BRINP3: variants seen among roughly 807,000 people sequenced by gnomAD.
The protein encoded by BRINP3 is BMP/retinoic acid inducible neural specific 3.
A neutral mutation model predicts 71.0 loss-of-function variants in BRINP3; 19 were observed. The observed-to-expected ratio is 0.27, with a 90% CI of 0.19 to 0.39. BRINP3 has a LOEUF of 0.39. Among genes scored for constraint, BRINP3 ranks in the 10% least tolerant of loss-of-function variants. The pLI is 1.00. For synonymous variants in BRINP3, 380 were observed against 337.7 expected (o/e 1.13, Z -1.37); for missense variants, 959 against 940.8 (o/e 1.02, Z -0.25).
intron 6 of BRINP3, among the ~76,000 whole-genome samples, chr1:190,182,426 T>A (rs1478771954): frequency 2.0e-5 from 3 of 152,162 alleles, no homozygotes; most frequent in Non-Finnish European, 4.4e-5. Flanking sequence ...TTGTTCCACC[T>A]TCCAGTTAAA....
intron 3 of BRINP3, among the ~76,000 whole-genome samples, chr1:190,270,359 T>G (rs1484818016): frequency 6.6e-6 from 1 of 151,262 alleles, no homozygotes; most frequent in Admixed American, 6.6e-5. Flanking sequence ...AAAAATAAAA[T>G]TATATCAAAT....
intron 1 of BRINP3, among the ~76,000 whole-genome samples, chr1:190,472,423 A>T (rs1211676917): frequency 6.6e-6 from 1 of 151,696 alleles, no homozygotes; most frequent in African/African-American, 2.4e-5. Context: ...AATATCCAAA[A>T]ATCTTTGGGA....
At chr1:190,291,225 T>A (rs1663841587) in intron 2 of BRINP3, among the ~76,000 whole-genome samples, 1 of 151,994 alleles carries the variant, frequency 6.6e-6, no homozygotes, top group Non-Finnish European at 1.5e-5. Context: ...AAGTGAATGA[T>A]TAAAGAGGTT....
At chr1:190,373,434 A>ATGTGTG (rs71123087) in intron 2 of BRINP3, among the ~76,000 whole-genome samples, 2,977 of 143,892 alleles carry the variant, frequency 0.021, 34 homozygotes, top group Non-Finnish European at 0.031. Context: ...ATATATATAT[A>ATGTGTG]TGTGTGTGTG....
At chr1:190,136,736 T>C (rs1167505266) in intron 7 of BRINP3, among the ~76,000 whole-genome samples, 1 of 152,078 alleles carries the variant, frequency 6.6e-6, no homozygotes, top group African/African-American at 2.4e-5. Context: ...CCTTAATTTT[T>C]ACTCATAAAT....
intron 2 of BRINP3, among the ~76,000 whole-genome samples, chr1:190,286,211 A>T (rs1465043604): frequency 1.3e-5 from 2 of 152,174 alleles, no homozygotes; most frequent in Admixed American, 6.6e-5. Context: ...ATGTGCAATC[A>T]TCTACTATGT....
At chr1:190,400,037 A>G (rs1671823810) in intron 2 of BRINP3, among the ~76,000 whole-genome samples, 1 of 152,094 alleles carries the variant, frequency 6.6e-6, no homozygotes, top group South Asian at 2.1e-4. Flanking sequence ...TTTGTTGACC[A>G]CCCATCACAC....
intron 6 of BRINP3, among the ~76,000 whole-genome samples, chr1:190,208,559 C>T (rs1438956512): frequency 6.6e-6 from 1 of 151,844 alleles, no homozygotes. Context: ...GTGGCAAAAT[C>T]GCAGCTCACT....
Position 190,402,343 on chromosome 1 carries a change from C to A in BRINP3, c.236+52312G>T, listed in dbSNP as rs114593809. Among the ~76,000 whole-genome samples, 707 of 152,122 alleles carry A rather than the reference C, an allele frequency of 4.6e-3. 7 individuals are homozygous for A. The highest frequency in any genetic ancestry group is 0.016 in the African/African-American group (683 of 41,518). On this transcript the variant is annotated intron_variant, in intron 2 of 7. Transcript: ENST00000367462. The stretch of plus-strand genomic sequence containing the variant: ...TAGAAATATATGCAATTAATATATT[C>A]ATATATGAACATTAAAATATTAATG...
intron 2 of BRINP3, among the ~76,000 whole-genome samples, chr1:190,347,337 T>G (rs901156438): frequency 2.6e-5 from 4 of 152,114 alleles, no homozygotes; most frequent in African/African-American, 9.7e-5. Flanking sequence ...AGACGGAGTT[T>G]CACCATGTTG....
chr1:190,165,461 T>TTTGTGG (rs1651435658), intron 6 of BRINP3, among the ~76,000 whole-genome samples: 1 of 68,708 alleles, frequency 1.5e-5, no homozygotes, highest in African/African-American at 6.3e-5. Context: ...TTTTTTTTTT[T>TTTGTGG]GTGTGTGTGT....
intron 2 of BRINP3, among the ~76,000 whole-genome samples, chr1:190,449,350 C>T (rs1363518243): frequency 6.6e-6 from 1 of 151,878 alleles, no homozygotes; most frequent in African/African-American, 2.4e-5. Context: ...AGAGACCAGG[C>T]ATTCATGTGT....
At chr1:190,353,289 A>G (rs1668520388) in intron 2 of BRINP3, among the ~76,000 whole-genome samples, 1 of 152,074 alleles carries the variant, frequency 6.6e-6, no homozygotes, top group South Asian at 2.1e-4. Context: ...ATCTTTTAGT[A>G]TTCCTCAGCA....
chr1:190,153,338 G>A (rs1253189425), intron 7 of BRINP3, among the ~76,000 whole-genome samples: 1 of 152,064 alleles, frequency 6.6e-6, no homozygotes, highest in Non-Finnish European at 1.5e-5. Flanking sequence ...ATTTATGAGT[G>A]TATTAGAAAA....
At chr1:190,368,311 G>A (rs1044526626) in intron 2 of BRINP3, among the ~76,000 whole-genome samples, 3 of 151,954 alleles carry the variant, frequency 2.0e-5, no homozygotes, top group Non-Finnish European at 4.4e-5. Flanking sequence ...CATGAGAAAC[G>A]ACTCACTATC....
intron 6 of BRINP3, among the ~76,000 whole-genome samples, chr1:190,184,615 C>A (rs569793701): frequency 6.6e-6 from 1 of 152,140 alleles, no homozygotes; most frequent in South Asian, 2.1e-4. Flanking sequence ...ATACCCTAAG[C>A]AAATTAACGC....
At position 190,098,297 on chromosome 1, in the gene BRINP3, G is replaced by A. The variant is rs756169546; in HGVS notation, c.2022C>T (p.His674=). ...NNIQVFGYSM[H]FDPEAIRDLI... The stretch of plus-strand genomic sequence containing the variant: ...GGTCCCGAATTGCTTCAGGGTCAAA[G>A]TGCATGCTGTAGCCAAACACTTGAA... The change falls in exon 8 of 8, where the codon CAC becomes CAT. Residue 674 remains histidine (H), a synonymous_variant. Transcript: ENST00000367462. 40 of 1,614,184 alleles carry A rather than the reference G, an allele frequency of 2.5e-5. No individual in the cohort carries two copies. Among genetic ancestry groups the A allele is most frequent in the Non-Finnish European group, 3.2e-5 (38 of 1,180,036 alleles).
intron 1 of BRINP3, among the ~76,000 whole-genome samples, chr1:190,461,735 T>C (rs189326314): frequency 1.0e-3 from 159 of 152,266 alleles, no homozygotes; most frequent in African/African-American, 3.8e-3. Context: ...TTATTCTTCA[T>C]GGAAATAGAA....
chr1:190,379,604 T>C (rs114593597), intron 2 of BRINP3, among the ~76,000 whole-genome samples: 2,072 of 152,138 alleles, frequency 0.014, 52 homozygotes, highest in African/African-American at 0.046. Context: ...GAACAGGGCC[T>C]GAAGATCAAG....
Sources: gnomAD v4.1 joint callset for allele counts (sites outside exome capture counted in the v4.1 genomes callset) on GRCh38, gnomAD v4.1.1 for gene constraint, MANE v1.5 for transcripts, NCBI Gene and HGNC (gene_info 2026-07-23, HGNC 2026-07-21) for gene names.